AGBL4: variants seen among roughly 807,000 people sequenced by gnomAD.
AGBL4 encodes cytosolic carboxypeptidase 6.
A neutral mutation model predicts 66.4 loss-of-function variants in AGBL4; 58 were observed. That is an observed-to-expected ratio of 0.87 (90% CI 0.71 to 1.09). The LOEUF (loss-of-function observed/expected upper bound fraction) is 1.09, where lower values mean the gene tolerates loss of function less well. AGBL4 is among the 50% of genes least tolerant of loss of function. The pLI is 0.00. For synonymous variants in AGBL4, 234 were observed against 222.9 expected, an observed-to-expected ratio of 1.05 and a Z score of -0.44; for missense variants, 579 against 631.0, an observed-to-expected ratio of 0.92 and a Z score of 0.88.
intron 3 of AGBL4, among the ~76,000 whole-genome samples, chr1:49,355,321 G>A (rs1029206567): frequency 6.6e-5 from 10 of 151,968 alleles, no homozygotes; most frequent in African/African-American, 2.4e-4. Context: ...TTACCAAGAC[G>A]TTTACCAAGG....
chr1:48,874,536 A>T (rs913869368), intron 5 of AGBL4, among the ~76,000 whole-genome samples: 2 of 152,190 alleles, frequency 1.3e-5, no homozygotes, highest in African/African-American at 4.8e-5. Flanking sequence ...GCATTCAAGG[A>T]GGGTGCCAAA....
intron 1 of AGBL4, among the ~76,000 whole-genome samples, chr1:49,938,670 G>A (rs1320176506): frequency 6.6e-6 from 1 of 152,112 alleles, no homozygotes; most frequent in African/African-American, 2.4e-5. Context: ...CTTCATCCCC[G>A]GGATGCAAGG....
rs566384748 is a variant in AGBL4 at position 50,007,253 on chromosome 1, A to C, written c.34+16510T>G. On this transcript the variant is annotated intron_variant, in intron 1 of 13. Transcript: ENST00000371839. ...CAAAAAATAAAAAATCAGAAATTAA[A>C]ATATACCTCACCACAGAAAATAATC... 7.6e-4 allele frequency among the ~76,000 whole-genome samples: 116 copies of C among 152,314 alleles called. 1 individual carries two copies. The highest frequency in any genetic ancestry group is 2.7e-3 in the African/African-American group (114 of 41,580).
chr1:49,400,980 T>C (rs1459996302), intron 3 of AGBL4, among the ~76,000 whole-genome samples: 2 of 152,198 alleles, frequency 1.3e-5, no homozygotes, highest in Non-Finnish European at 2.9e-5. Flanking sequence ...TTGATGTATG[T>C]TCCTTTTATA....
chr1:48,992,390 C>T (rs190404593), intron 5 of AGBL4, among the ~76,000 whole-genome samples: 80 of 152,168 alleles, frequency 5.3e-4, no homozygotes, highest in Middle Eastern at 3.4e-3. Context: ...GAGCAAATAT[C>T]CCTGTGGCCA....
At chr1:49,973,440 T>C (rs1658300696) in intron 1 of AGBL4, among the ~76,000 whole-genome samples, 1 of 152,046 alleles carries the variant, frequency 6.6e-6, no homozygotes, top group Non-Finnish European at 1.5e-5. Flanking sequence ...TGTTAAATAG[T>C]TCAGATATAG....
chr1:49,337,121 T>C (rs919401318), intron 3 of AGBL4, among the ~76,000 whole-genome samples: 1 of 152,180 alleles, frequency 6.6e-6, no homozygotes, highest in Non-Finnish European at 1.5e-5. Flanking sequence ...AACTTAAAAA[T>C]TCTACCTTGT....
chr1:49,283,180 G>C (rs557717647), intron 3 of AGBL4, among the ~76,000 whole-genome samples: 3 of 152,160 alleles, frequency 2.0e-5, no homozygotes, highest in South Asian at 2.1e-4. Flanking sequence ...ATCTGAGAAC[G>C]GGCAGACTGC....
chr1:48,538,763 G>A (rs1487879237), intron 12 of AGBL4, among the ~76,000 whole-genome samples: 7 of 152,202 alleles, frequency 4.6e-5, no homozygotes, highest in Non-Finnish European at 8.8e-5. Flanking sequence ...ACAGCGTAGG[G>A]AGGAAGGTGC....
intron 5 of AGBL4, among the ~76,000 whole-genome samples, chr1:48,925,437 A>T (rs1051621677): frequency 1.3e-5 from 2 of 152,202 alleles, no homozygotes; most frequent in African/African-American, 4.8e-5. Context: ...CCCACAGGCC[A>T]TATGCAGCCC....
intron 3 of AGBL4, among the ~76,000 whole-genome samples, chr1:49,608,387 C>G (rs946717643): frequency 2.6e-5 from 4 of 151,986 alleles, no homozygotes; most frequent in Non-Finnish European, 5.9e-5. Flanking sequence ...CCATGACAAG[C>G]CTTTCAGCAT....
intron 3 of AGBL4, among the ~76,000 whole-genome samples, chr1:49,610,284 G>C (rs1197530566): frequency 1.3e-5 from 2 of 152,076 alleles, no homozygotes; most frequent in African/African-American, 2.4e-5. Flanking sequence ...TATTTTTACA[G>C]AGAAGAAAAC....
rs12078185 is a variant in AGBL4 at position 49,882,028 on chromosome 1, G to A, written c.35-30510C>T. On this transcript the variant is annotated intron_variant, in intron 1 of 13. Coordinates refer to ENST00000371839, the MANE Select transcript of AGBL4 (RefSeq NM_032785.4). ...GGGTTTTTATGGTTTTAGGTCTAAC[G>A]TTTAAGTCTTTAATCCATCTTGAAT... Among the ~76,000 whole-genome samples, 346 of 152,104 alleles carry A rather than the reference G, an allele frequency of 2.3e-3. 7 individuals are homozygous for A. The highest frequency in any genetic ancestry group is 7.8e-3 in the African/African-American group (322 of 41,452).
intron 12 of AGBL4, among the ~76,000 whole-genome samples, chr1:48,535,294 C>A (rs552329406): frequency 6.6e-6 from 1 of 152,248 alleles, no homozygotes; most frequent in South Asian, 2.1e-4. Context: ...CTGTTTCCTT[C>A]CCTACCTCTC....
At chr1:49,927,154 A>T (rs1409946905) in intron 1 of AGBL4, among the ~76,000 whole-genome samples, 1 of 152,168 alleles carries the variant, frequency 6.6e-6, no homozygotes, top group Non-Finnish European at 1.5e-5. Flanking sequence ...TGCCTTTCCC[A>T]GCCCACCAAC....
chr1:48,825,990 A>T (rs1646419783), intron 6 of AGBL4, among the ~76,000 whole-genome samples: 1 of 152,150 alleles, frequency 6.6e-6, no homozygotes, highest in Non-Finnish European at 1.5e-5. Context: ...TAGGACCTTC[A>T]TTTTGGATCT....
chr1:49,118,588 G>A (rs185282198), intron 4 of AGBL4, among the ~76,000 whole-genome samples: 1 of 152,258 alleles, frequency 6.6e-6, no homozygotes, highest in Non-Finnish European at 1.5e-5. Context: ...TGTGCTGCTG[G>A]ATTTGGTTTG....
chr1:48,742,900 C>A, intron 6 of AGBL4: 1 of 841,152 alleles, frequency 1.2e-6, no homozygotes. Context: ...CATTGAACTA[C>A]ACTTAAACCC....
chr1:48,957,503 T>C (rs1272340411), intron 5 of AGBL4, among the ~76,000 whole-genome samples: 1 of 152,182 alleles, frequency 6.6e-6, no homozygotes, highest in Non-Finnish European at 1.5e-5. Flanking sequence ...CATCTTTGGC[T>C]CTACTAGGTC....
Sources: gnomAD v4.1 joint callset for allele counts (sites outside exome capture counted in the v4.1 genomes callset) on GRCh38, gnomAD v4.1.1 for gene constraint, MANE v1.5 for transcripts, NCBI Gene and HGNC (gene_info 2026-07-23, HGNC 2026-07-21) for gene names.